The following ZBTB32 variants were observed in gnomAD, a reference collection of about 807,000 sequenced individuals.
ZBTB32 encodes zinc finger and BTB domain containing 32.
In ZBTB32, 28 loss-of-function variants were observed where a neutral mutation model predicts 45.3. The observed-to-expected ratio is 0.62, with a 90% CI of 0.46 to 0.85. ZBTB32 has a LOEUF of 0.85. ZBTB32 is among the 40% of genes least tolerant of loss of function. The probability of loss-of-function intolerance (pLI) is 0.00; values close to 1 mark genes in which losing one functional copy is unlikely to be tolerated. For synonymous variants in ZBTB32, 283 were observed against 255.7 expected (o/e 1.11, Z -1.02); for missense variants, 587 against 624.4 (o/e 0.94, Z 0.64).
rs776715940 is a variant in ZBTB32, at chr19:35,714,845, G to A, written c.219G>A (p.Gln73=). Residue 73 remains glutamine, a synonymous_variant, in exon 3 of 7, where the codon CAG becomes CAA. Coordinates refer to ENST00000392197, the MANE Select transcript of ZBTB32 (RefSeq NM_014383.3). The stretch of plus-strand genomic sequence containing the variant: ...GCATCAGCCCTTCTACCTTTGCCCA[G>A]CTCCTGAACTTTGTGTATGGGGAGA... The part of the protein sequence containing the change: ...GEGISPSTFA[Q]LLNFVYGESV... 1.9e-6 allele frequency: 3 copies of A among 1,611,900 alleles called. No individual in the cohort carries two copies. Among genetic ancestry groups the A allele is most frequent in the African/African-American group, 1.3e-5 (1 of 75,004 alleles).
At chr19:35,712,399 C>T (rs1968726083) in intron 1 of ZBTB32, among the ~76,000 whole-genome samples, 2 of 152,172 alleles carry the variant, frequency 1.3e-5, no homozygotes, top group African/African-American at 4.8e-5. Context: ...GAAGCTAAGG[C>T]TGCAGTGAGC....
rs1454371024 is a variant in ZBTB32, at chr19:35,714,976, C to T, written c.350C>T (p.Ala117Val). Residue 117 changes from alanine to valine, a missense_variant, in exon 3 of 7, where the codon GCT becomes GTT. Transcript: ENST00000392197. ...EACWRARGDR[A>V]KKPDPGLKKH... ...TGCTGGAGGGCTCGAGGGGACAGGG[C>T]TAAAAAGCCAGATCCAGGCCTGAAG... 6.2e-7 allele frequency: 1 copy of T among 1,600,698 alleles called. No homozygotes were observed. The highest frequency in any genetic ancestry group is 1.4e-5 in the African/African-American group (1 of 74,062).
At chr19:35,711,835 G>C (rs984341919) in intron 1 of ZBTB32, among the ~76,000 whole-genome samples, 4 of 151,908 alleles carry the variant, frequency 2.6e-5, no homozygotes, top group Non-Finnish European at 4.4e-5. Context: ...GACCAGCCTG[G>C]CCAACATGGC....
Position 35,704,822 on chromosome 19 carries a change from G to C in ZBTB32, c.-222+199G>C, listed in dbSNP as rs1453157498. On this transcript the variant is annotated intron_variant, in intron 1 of 6. Coordinates refer to ENST00000392197, the MANE Select transcript of ZBTB32 (RefSeq NM_014383.3). ...CACCTTTAGGCCTAGGTTTGGCAGA[G>C]GCTAAGCCAGCTTGCTCTCTGAGTT... 2.0e-5 allele frequency among the ~76,000 whole-genome samples: 3 copies of C among 152,352 alleles called. No homozygotes were observed. The East Asian group carries it at 5.8e-4, about 29-fold the overall frequency.
chr19:35,716,757 G>A lies in ZBTB32; in HGVS notation c.*5G>A, dbSNP rs961281416. 1 of 1,597,486 alleles carries A rather than the reference G, an allele frequency of 6.3e-7. No individual in the cohort carries two copies. The highest frequency in any genetic ancestry group is 1.3e-5 in the African/African-American group (1 of 74,634). ...CCTTCTTCCTCCACCACCTGACGGG[G>A]TGTCGGTAGCGTCTTAGCCAAGAGT... On this transcript the variant is annotated 3_prime_UTR_variant, in exon 7 of 7. Transcript: ENST00000392197.
Position 35,716,278 on chromosome 19 carries a change from G to A in ZBTB32, c.1170G>A (p.Thr390=). The change falls in exon 6 of 7, where the codon ACG becomes ACA. Residue 390 remains threonine, a synonymous_variant. Coordinates refer to ENST00000392197, the MANE Select transcript of ZBTB32 (RefSeq NM_014383.3). ...KRFSLKHQME[T]HYRVHTGEKP... is the part of the protein sequence containing the mutation. Reference sequence around the variant, plus strand: ...TTTCACTCAAGCATCAGATGGAGACGCACTACCGAGTCCACACAGGTATGG... The same window carrying A: ...TTTCACTCAAGCATCAGATGGAGACACACTACCGAGTCCACACAGGTATGG... The A allele has an allele frequency of 1.2e-6, 2 of 1,613,826 alleles. No individual in the cohort carries two copies. The highest frequency in any genetic ancestry group is 1.7e-6 in the Non-Finnish European group (2 of 1,179,988).
intron 5 of ZBTB32, 46 bp downstream of exon 5, chr19:35,716,053 T>G: frequency 6.2e-7 from 1 of 1,611,214 alleles, no homozygotes. Flanking sequence ...CTGTAGCCCT[T>G]GATTTCCTGC....
Position 35,715,369 on chromosome 19 carries a change from C to A in ZBTB32, c.743C>A (p.Ser248Ter), listed in dbSNP as rs2234367. Residue 248 changes from serine to a stop codon, truncating the protein, a stop_gained, in exon 3 of 7, where the codon TCG (serine) becomes TAG (stop). Coordinates refer to ENST00000392197, the MANE Select transcript of ZBTB32 (RefSeq NM_014383.3). LOFTEE classifies it high-confidence loss of function. ...CAAACCAGCGTCACCCCTAGGCCCTCGTGGGCTGAGGCCCCTTGGTTGGTG... is the reference window on the plus strand; with the variant it reads ...CAAACCAGCGTCACCCCTAGGCCCTAGTGGGCTGAGGCCCCTTGGTTGGTG... ...SLQTSVTPRP[S>*]WAEAPWLVGG... The A allele has an allele frequency of 6.2e-7, 1 of 1,611,868 alleles. No individual in the cohort carries two copies. The highest frequency in any genetic ancestry group is 8.5e-7 in the Non-Finnish European group (1 of 1,179,352).
chr19:35,705,072 G>T (rs190478449), intron 1 of ZBTB32, among the ~76,000 whole-genome samples: 3 of 152,208 alleles, frequency 2.0e-5, no homozygotes, highest in African/African-American at 7.2e-5. Context: ...TTGGGAGGCT[G>T]AGGCAGGTGG....
chr19:35,705,654 T>C (rs772800075), intron 1 of ZBTB32, among the ~76,000 whole-genome samples: 10 of 152,132 alleles, frequency 6.6e-5, no homozygotes, highest in Non-Finnish European at 7.4e-5. Flanking sequence ...GGCTCACACC[T>C]GTAATCCCAG....
chr19:35,713,640 G>T (rs73590568), intron 2 of ZBTB32: 15,628 of 152,334 alleles, frequency 0.1, 900 homozygotes, highest in South Asian at 0.11. Context: ...CTGAGGTTCT[G>T]GTTCTCTTCG....
In ZBTB32 at chr19:35,715,151, C is replaced by CAA; in HGVS notation, c.525_526insAA (p.Glu176LysfsTer41). On this transcript the variant is annotated frameshift_variant, in exon 3 of 7. Transcript: ENST00000392197. LOFTEE classifies it high-confidence loss of function. Reference sequence around the variant, plus strand: ...AGCACTCGCCACCAAGAGGCAGACCCGAGATGGCAGGAGCAACGCAGGAGG... The same window carrying CAA: ...AGCACTCGCCACCAAGAGGCAGACCCAAGAGATGGCAGGAGCAACGCAGGAGG... 1 of 1,613,810 alleles carries CAA rather than the reference C, an allele frequency of 6.2e-7. No homozygotes were observed. The highest frequency in any genetic ancestry group is 8.5e-7 in the Non-Finnish European group (1 of 1,179,962).
rs1968934750 is a variant in ZBTB32 at position 35,716,938 on chromosome 19, TAC to T, written c.*188_*189del. 6.2e-6 allele frequency: 4 copies of T among 649,454 alleles called. No homozygotes were observed. Among genetic ancestry groups the T allele is most frequent in the Admixed American group, 2.9e-5 (1 of 34,026 alleles). 40.2% of individuals were successfully genotyped at this position (649,454 alleles called of 1,614,324 possible). A position where few individuals can be genotyped will look rare whatever the true frequency, so the allele number is the denominator to read the frequency against. ...CGCAGAAGCCCAGGCCAGCGAGCCC[TAC>T]AGAGTGAGGACACTGAAGTGTGCAG... On this transcript the variant is annotated 3_prime_UTR_variant, in exon 7 of 7. Coordinates refer to ENST00000392197, the MANE Select transcript of ZBTB32 (RefSeq NM_014383.3).
chr19:35,716,339 C>A, intron 6 of ZBTB32, 42 bp downstream of exon 6: 2 of 1,610,088 alleles, frequency 1.2e-6, no homozygotes, highest in South Asian at 1.1e-5. Flanking sequence ...GCTTTCTTCC[C>A]AACTCCGCTC....
intron 1 of ZBTB32, among the ~76,000 whole-genome samples, chr19:35,706,760 G>C (rs1270723722): frequency 6.6e-6 from 1 of 152,082 alleles, no homozygotes; most frequent in African/African-American, 2.4e-5. Flanking sequence ...AATCACCCAG[G>C]TTGTCTTTAC....
At chr19:35,708,855 G>A (rs913661349) in intron 1 of ZBTB32, among the ~76,000 whole-genome samples, 4 of 137,428 alleles carry the variant, frequency 2.9e-5, no homozygotes, top group Non-Finnish European at 6.2e-5. Flanking sequence ...TTTCGCTCTT[G>A]TTGCTCAGGC....
intron 1 of ZBTB32, among the ~76,000 whole-genome samples, chr19:35,711,488 C>G (rs565365384): frequency 6.6e-6 from 1 of 152,264 alleles, no homozygotes; most frequent in African/African-American, 2.4e-5. Context: ...TTTTCCCTTT[C>G]GTTCTGACTC....
chr19:35,713,616 TG>T, intron 2 of ZBTB32: 2 of 152,462 alleles, frequency 1.3e-5, no homozygotes, highest in Middle Eastern at 6.8e-3. Flanking sequence ...CTCTGCCTGC[TG>T]GGTGCTAAGA....
intron 1 of ZBTB32, 87 bp from the exon 2 acceptor site, chr19:35,712,830 C>G (rs1425055510): frequency 2.0e-5 from 3 of 152,162 alleles, no homozygotes; most frequent in African/African-American, 4.8e-5. Flanking sequence ...TTCCCAGTAC[C>G]AAGTCAGGGA....
Sources: gnomAD v4.1 joint callset for allele counts (sites outside exome capture counted in the v4.1 genomes callset) on GRCh38, gnomAD v4.1.1 for gene constraint, MANE v1.5 for transcripts, NCBI Gene and HGNC (gene_info 2026-07-23, HGNC 2026-07-21) for gene names.